Variants in DNM1L observed in about 807,000 individuals in gnomAD.
DNM1L encodes dynamin 1L.
DNM1L carries 33 observed loss-of-function variants against 92.8 expected under a neutral mutation model. That is an observed-to-expected ratio of 0.36 (90% CI 0.27 to 0.48). The LOEUF is 0.48. DNM1L is among the 20% of genes least tolerant of loss of function. DNM1L has a pLI of 0.99. For missense variants in DNM1L, 485 were observed against 888.8 expected, an observed-to-expected ratio of 0.55 and a Z score of 5.78; for synonymous variants, 284 against 305.0, an observed-to-expected ratio of 0.93 and a Z score of 0.72.
At chr12:32,719,136 T>G (rs1592629434) in intron 7 of DNM1L, among the ~76,000 whole-genome samples, 2 of 152,166 alleles carry the variant, frequency 1.3e-5, no homozygotes, top group Admixed American at 1.3e-4. Context: ...TTTTTTGTAG[T>G]GACAAGGTCT....
intron 2 of DNM1L, 76 bp downstream of exon 2, chr12:32,701,638 A>C: frequency 3.0e-6 from 4 of 1,345,042 alleles, no homozygotes; most frequent in Non-Finnish European, 4.2e-6. Context: ...TGAATTGATT[A>C]GATAATTAGA....
At chr12:32,696,383 AACACACACACACACACAC>A (rs58224525) in intron 1 of DNM1L, among the ~76,000 whole-genome samples, 1 of 145,014 alleles carries the variant, frequency 6.9e-6, no homozygotes, top group Non-Finnish European at 1.5e-5. Flanking sequence ...CACACACACA[AACACACACACACACACAC>A]ACACACACAC....
At chr12:32,739,982 A>G in intron 16 of DNM1L, 82 bp from the exon 17 acceptor site, 1 of 1,571,074 alleles carries the variant, frequency 6.4e-7, no homozygotes, top group Non-Finnish European at 8.7e-7. Flanking sequence ...ATGTATATTG[A>G]CTACTGTCAA....
chr12:32,733,628 C>G, intron 12 of DNM1L, 87 bp from the exon 13 acceptor site: 1 of 1,093,652 alleles, frequency 9.1e-7, no homozygotes, highest in Non-Finnish European at 1.4e-6. Flanking sequence ...TCGGTATTGT[C>G]TGTTTCATAA....
intron 12 of DNM1L, 137 bp downstream of exon 12, chr12:32,732,080 CAAGTT>C (rs1172096438): frequency 1.5e-5 from 10 of 674,320 alleles, no homozygotes; most frequent in Non-Finnish European, 2.0e-5. Flanking sequence ...GGAGGAAAAA[CAAGTT>C]GAGTTTCAGT....
At chr12:32,720,885 A>G in intron 8 of DNM1L, 90 bp downstream of exon 8, 1 of 1,508,404 alleles carries the variant, frequency 6.6e-7, no homozygotes, top group South Asian at 1.1e-5. Flanking sequence ...ACATTTTCAT[A>G]CTGTTCCTAA....
chr12:32,699,196 A>G (rs925004348), intron 1 of DNM1L, among the ~76,000 whole-genome samples: 21 of 152,334 alleles, frequency 1.4e-4, no homozygotes, highest in African/African-American at 4.8e-4. Context: ...GTAAGGAGAG[A>G]GAGACATAAA....
Position 32,742,697 on chromosome 12 carries a change from AG to A in DNM1L, c.2104del (p.Glu702AsnfsTer16). 6.2e-7 allele frequency: 1 copy of A among 1,614,180 alleles called. No homozygotes were observed. The highest frequency in any genetic ancestry group is 8.5e-7 in the Non-Finnish European group (1 of 1,180,026). ...CATCCTTATTGGATGATCTTCTGAC[AG>A]AATCTGAGGACATGGCACAGCGCAG... ...KSSLLDDLLTESEDMAQRRKE... is the reference protein window; with the variant it reads ...KSSLLDDLLTXSEDMAQRRKE... On this transcript the variant is annotated frameshift_variant, in exon 19 of 20. Transcript: ENST00000549701. LOFTEE classifies it high-confidence loss of function.
At chr12:32,735,414 G>T (rs988081214) in intron 13 of DNM1L, among the ~76,000 whole-genome samples, 2 of 151,980 alleles carry the variant, frequency 1.3e-5, no homozygotes, top group Admixed American at 1.3e-4. Flanking sequence ...TAGATACCGT[G>T]GCCTTTTGCT....
intron 1 of DNM1L, among the ~76,000 whole-genome samples, chr12:32,699,796 C>CAAAAAAAAA (rs34943495): frequency 4.1e-5 from 3 of 73,586 alleles, no homozygotes; most frequent in Admixed American, 1.6e-4. Context: ...GACTCCATCT[C>CAAAAAAAAA]AAAAAAAAAA....
At chr12:32,713,509 T>C in intron 6 of DNM1L, 138 bp downstream of exon 6, 1 of 1,027,884 alleles carries the variant, frequency 9.7e-7, no homozygotes, top group Non-Finnish European at 1.4e-6. Flanking sequence ...CTATTTTTGT[T>C]TATAAAAATA....
chr12:32,735,947 G>T (rs879305045), intron 13 of DNM1L, among the ~76,000 whole-genome samples: 1 of 151,858 alleles, frequency 6.6e-6, no homozygotes, highest in African/African-American at 2.4e-5. Context: ...CTGTGTTCAT[G>T]AAATACTTCC....
intron 2 of DNM1L, among the ~76,000 whole-genome samples, chr12:32,703,235 T>A (rs1233155615): frequency 2.6e-5 from 4 of 152,226 alleles, no homozygotes; most frequent in Non-Finnish European, 5.9e-5. Flanking sequence ...TCTTTGTTTT[T>A]ATGTCCACTA....
At chr12:32,703,429 G>C (rs1282394118) in intron 2 of DNM1L, among the ~76,000 whole-genome samples, 1 of 151,922 alleles carries the variant, frequency 6.6e-6, no homozygotes, top group African/African-American at 2.4e-5. Flanking sequence ...AGCATAGACA[G>C]TTCGTTAGTT....
At chr12:32,691,876 G>T (rs1019011582) in intron 1 of DNM1L, among the ~76,000 whole-genome samples, 6 of 151,904 alleles carry the variant, frequency 3.9e-5, no homozygotes, top group Non-Finnish European at 8.8e-5. Context: ...CTCAATTGCT[G>T]CACATAAATA....
At chr12:32,717,201 A>ATACTATAAAATATATAG (rs1953435891) in intron 6 of DNM1L, among the ~76,000 whole-genome samples, 1 of 116,248 alleles carries the variant, frequency 8.6e-6, no homozygotes, top group African/African-American at 3.3e-5. Flanking sequence ...ATATATATTT[A>ATACTATAAAATATATAG]TATATACTAT....
intron 8 of DNM1L, among the ~76,000 whole-genome samples, chr12:32,722,007 A>G (rs570765636): frequency 6.6e-6 from 1 of 152,346 alleles, no homozygotes; most frequent in South Asian, 2.1e-4. Context: ...TGGGCACACC[A>G]CACTCCAGGA....
At position 32,701,136 on chromosome 12, in the gene DNM1L, C is replaced by T. The variant is rs540402515; in HGVS notation, c.103-279C>T. Among the ~76,000 whole-genome samples, 6 of 152,070 alleles carry T rather than the reference C, an allele frequency of 3.9e-5. No individual in the cohort carries two copies. In the South Asian group the frequency reaches 6.2e-4, roughly 16 times the overall value. ...CTAAAAATACAAAAAATTAGCCAGG[C>T]GTGGTGGCACACGCCTGTAATCCCA... On this transcript the variant is annotated intron_variant, in intron 1 of 19. Transcript: ENST00000549701.
chr12:32,726,967 C>A, intron 9 of DNM1L: 2 of 732,752 alleles, frequency 2.7e-6, no homozygotes, highest in Non-Finnish European at 5.0e-6. Flanking sequence ...ACTTTGGTAT[C>A]TTTCACATGC....
Sources: allele counts gnomAD v4.1 joint callset (sites outside exome capture counted in the v4.1 genomes callset), GRCh38; gene constraint gnomAD v4.1.1; transcripts MANE v1.5; gene names NCBI Gene and HGNC (gene_info 2026-07-23, HGNC 2026-07-21).